TAFA4: variants seen among roughly 807,000 people sequenced by gnomAD.
TAFA4 encodes TAFA chemokine like family member 4, also known as chemokine-like protein TAFA-4.
Under a neutral mutation model 21.1 loss-of-function variants are expected in TAFA4, and 20 were observed. The observed-to-expected ratio is 0.95, with a 90% CI of 0.67 to 1.38. TAFA4 has a LOEUF of 1.38. Ranked by LOEUF, TAFA4 falls within the 40% of genes most tolerant of loss-of-function variation. TAFA4 has a pLI of 0.00. For synonymous variants in TAFA4, 71 were observed against 67.4 expected (o/e 1.05, Z -0.26); for missense variants, 211 against 180.9 (o/e 1.17, Z -0.95).
intron 1 of TAFA4, among the ~76,000 whole-genome samples, chr3:68,929,000 G>A (rs1007623573): frequency 1.5e-5 from 2 of 131,456 alleles, no homozygotes; most frequent in Non-Finnish European, 3.3e-5. Context: ...AAAAAAAAAA[G>A]AGCCCTTTTG....
intron 1 of TAFA4, among the ~76,000 whole-genome samples, chr3:68,915,878 A>T (rs963529199): frequency 1.2e-4 from 19 of 152,216 alleles, no homozygotes; most frequent in Admixed American, 8.5e-4. Flanking sequence ...GTGAAGAAAA[A>T]TTTATAAGAG....
chr3:68,880,751 G>A lies in TAFA4; in HGVS notation c.109C>T (p.Gln37Ter). 6.2e-7 allele frequency: 1 copy of A among 1,613,994 alleles called. No homozygotes were observed. The highest frequency in any genetic ancestry group is 8.5e-7 in the Non-Finnish European group (1 of 1,179,964). The change falls in exon 3 of 6, where the codon CAG becomes TAG. Residue 37 changes from glutamine (Q) to a stop codon, truncating the protein, a stop_gained. Coordinates refer to ENST00000295569, the MANE Select transcript of TAFA4 (RefSeq NM_182522.5). LOFTEE classifies it high-confidence loss of function. ...VCCKLMSASS[Q>*]HLRGHAGHHQ... is the part of the protein sequence containing the mutation. Reference sequence around the variant, plus strand: ...TTACCTGCATGTCCCCGGAGGTGCTGGCTTGAGGCGGACATCAGCTTACAG... The same window carrying A: ...TTACCTGCATGTCCCCGGAGGTGCTAGCTTGAGGCGGACATCAGCTTACAG...
At chr3:68,885,497 T>C (rs569898732) in intron 1 of TAFA4, among the ~76,000 whole-genome samples, 187 bp from the exon 2 acceptor site, 1 of 152,174 alleles carries the variant, frequency 6.6e-6, no homozygotes, top group East Asian at 1.9e-4. Context: ...GATATAGAAT[T>C]CTACAGTCAT....
At chr3:68,753,092 G>A in intron 3 of TAFA4, 74 bp from the exon 4 acceptor site, 1 of 1,404,766 alleles carries the variant, frequency 7.1e-7, no homozygotes, top group South Asian at 1.3e-5. Flanking sequence ...CCAAAATGAT[G>A]CTATGATGAC....
chr3:68,911,949 G>A (rs952593676), intron 1 of TAFA4, among the ~76,000 whole-genome samples: 1 of 152,100 alleles, frequency 6.6e-6, no homozygotes, highest in Admixed American at 6.5e-5. Flanking sequence ...CACCTCCGAA[G>A]CATCACTCCC....
At chr3:68,891,187 T>C (rs1441685258) in intron 1 of TAFA4, among the ~76,000 whole-genome samples, 1 of 152,184 alleles carries the variant, frequency 6.6e-6, no homozygotes, top group African/African-American at 2.4e-5. Context: ...CTTCGGTTGA[T>C]TTCTATGAAG....
At chr3:68,765,861 C>A (rs1212441920) in intron 3 of TAFA4, among the ~76,000 whole-genome samples, 2 of 152,062 alleles carry the variant, frequency 1.3e-5, no homozygotes, top group African/African-American at 4.8e-5. Context: ...TATCCCCTCA[C>A]TTTAAAGGAC....
rs1023848434 is a variant in TAFA4, at chr3:68,761,430, G to C, written c.131-8412C>G. On this transcript the variant is annotated intron_variant, in intron 3 of 5. Transcript: ENST00000295569. ...AAAGGTGCAATTTAAAATAGGAAGA[G>C]CCTAAGAAACTAACATTTGAGTACT... 3.3e-5 allele frequency among the ~76,000 whole-genome samples: 5 copies of C among 152,140 alleles called. No homozygotes were observed. In the East Asian group the frequency reaches 5.8e-4, roughly 18 times the overall value.
At chr3:68,817,272 T>C (rs7650449) in intron 3 of TAFA4, among the ~76,000 whole-genome samples, 33,381 of 152,106 alleles carry the variant, frequency 0.22, 4,460 homozygotes, top group East Asian at 0.63. Context: ...CAACCCCTCA[T>C]CCGCTAATTT....
chr3:68,880,391 G>A (rs573666855), intron 3 of TAFA4, among the ~76,000 whole-genome samples: 2 of 150,960 alleles, frequency 1.3e-5, no homozygotes, highest in South Asian at 4.2e-4. Flanking sequence ...TGCAGGAGTG[G>A]ATGGATGGAT....
At chr3:68,785,556 C>A (rs1000872935) in intron 3 of TAFA4, among the ~76,000 whole-genome samples, 1 of 152,168 alleles carries the variant, frequency 6.6e-6, no homozygotes, top group Non-Finnish European at 1.5e-5. Flanking sequence ...GCCGGCCGCT[C>A]CTAATGCGGG....
intron 3 of TAFA4, among the ~76,000 whole-genome samples, chr3:68,870,147 T>A (rs932992492): frequency 5.9e-5 from 9 of 151,762 alleles, no homozygotes; most frequent in African/African-American, 2.2e-4. Context: ...AAACCAGAGA[T>A]GCAAAAAATC....
At chr3:68,831,641 G>C (rs547648815) in intron 3 of TAFA4, among the ~76,000 whole-genome samples, 11 of 152,280 alleles carry the variant, frequency 7.2e-5, no homozygotes, top group African/African-American at 2.4e-4. Context: ...CAACCTTGGT[G>C]AATCTGGCAA....
At position 68,772,892 on chromosome 3, in the gene TAFA4, TTCTG is replaced by T. The variant is rs768731667; in HGVS notation, c.131-19878_131-19875del. Among the ~76,000 whole-genome samples, 349 of 152,322 alleles carry T rather than the reference TTCTG, an allele frequency of 2.3e-3. 1 individual carries two copies. The highest frequency in any genetic ancestry group is 2.5e-3 in the Non-Finnish European group (172 of 68,022). On this transcript the variant is annotated intron_variant, in intron 3 of 5. Coordinates refer to ENST00000295569, the MANE Select transcript of TAFA4 (RefSeq NM_182522.5). Reference sequence around the variant, plus strand: ...TCCATCCATTCACTCATCCTATTGGTTCTGTCTCTCTGGAGAACTCTGAATAACA... The same window carrying T: ...TCCATCCATTCACTCATCCTATTGGTTCTCTCTGGAGAACTCTGAATAACA...
At chr3:68,797,111 C>T (rs1402714034) in intron 3 of TAFA4, among the ~76,000 whole-genome samples, 1 of 152,124 alleles carries the variant, frequency 6.6e-6, no homozygotes, top group African/African-American at 2.4e-5. Flanking sequence ...AAAGTAAAAA[C>T]AGAATTACCA....
At chr3:68,803,551 C>A (rs750753338) in intron 3 of TAFA4, among the ~76,000 whole-genome samples, 9 of 152,062 alleles carry the variant, frequency 5.9e-5, no homozygotes, top group Non-Finnish European at 8.8e-5. Flanking sequence ...AAACTCAAGG[C>A]AGGGAGGGAA....
At chr3:68,835,937 A>C (rs1704513100) in intron 3 of TAFA4, among the ~76,000 whole-genome samples, 1 of 152,190 alleles carries the variant, frequency 6.6e-6, no homozygotes, top group Non-Finnish European at 1.5e-5. Flanking sequence ...TGTTTCAAAC[A>C]CACCTACCAA....
At chr3:68,854,615 T>C (rs76941220) in intron 3 of TAFA4, among the ~76,000 whole-genome samples, 3 of 152,032 alleles carry the variant, frequency 2.0e-5, no homozygotes, top group Non-Finnish European at 4.4e-5. Context: ...GCCTTACCAA[T>C]TGGATGAGTG....
At chr3:68,789,518 C>T (rs1418811225) in intron 3 of TAFA4, among the ~76,000 whole-genome samples, 2 of 152,120 alleles carry the variant, frequency 1.3e-5, no homozygotes, top group African/African-American at 2.4e-5. Flanking sequence ...ATCAAAATAT[C>T]ACATTAGACA....
Sources: allele counts gnomAD v4.1 joint callset (sites outside exome capture counted in the v4.1 genomes callset), GRCh38; gene constraint gnomAD v4.1.1; transcripts MANE v1.5; gene names NCBI Gene and HGNC (gene_info 2026-07-23, HGNC 2026-07-21).